The following PCM1 variants were observed in gnomAD, a reference collection of about 807,000 sequenced individuals.
PCM1 encodes the protein pericentriolar material 1 protein.
A neutral mutation model predicts 241.9 loss-of-function variants in PCM1; 157 were observed. The ratio of observed to expected loss-of-function variants is 0.65; its 90% CI spans 0.57 to 0.74. The LOEUF is 0.74. Among genes scored for constraint, PCM1 ranks in the 30% least tolerant of loss-of-function variants. The pLI, the probability that PCM1 is intolerant of heterozygous loss-of-function variation, is 0.00. For missense variants in PCM1, 3,478 were observed against 2,360.1 expected, an observed-to-expected ratio of 1.47 and a Z score of -9.81; for synonymous variants, 1,085 against 784.9, an observed-to-expected ratio of 1.38 and a Z score of -6.39.
intron 29 of PCM1, among the ~76,000 whole-genome samples, chr8:18,000,682 C>T (rs889869087): frequency 6.3e-4 from 96 of 152,188 alleles, no homozygotes; most frequent in Non-Finnish European, 3.2e-4. Flanking sequence ...AATGCAGTGG[C>T]GCGATCTCGG....
chr8:17,957,197 TA>T, intron 11 of PCM1, 66 bp from the exon 12 acceptor site: 1 of 1,337,256 alleles, frequency 7.5e-7, no homozygotes. Flanking sequence ...TTAGCAGTTC[TA>T]AACTTGGATT....
intron 9 of PCM1, among the ~76,000 whole-genome samples, chr8:17,954,522 C>T (rs1586688947): frequency 1.3e-5 from 2 of 152,048 alleles, no homozygotes; most frequent in South Asian, 2.1e-4. Flanking sequence ...AGTAGCACTC[C>T]GTATACTGAT....
intron 29 of PCM1, among the ~76,000 whole-genome samples, chr8:17,999,374 A>G (rs2088319934): frequency 6.6e-6 from 1 of 152,094 alleles, no homozygotes; most frequent in Non-Finnish European, 1.5e-5. Context: ...AGATTAAGCC[A>G]AGATTAATCC....
At chr8:17,969,270 C>G (rs929931897) in intron 21 of PCM1, among the ~76,000 whole-genome samples, 1 of 151,892 alleles carries the variant, frequency 6.6e-6, no homozygotes, top group Non-Finnish European at 1.5e-5. Context: ...AAGTATTAAA[C>G]CAAGTAACAT....
At chr8:17,986,593 A>G (rs2082684576) in intron 26 of PCM1, among the ~76,000 whole-genome samples, 1 of 151,754 alleles carries the variant, frequency 6.6e-6, no homozygotes, top group Non-Finnish European at 1.5e-5. Context: ...GAAATGGAGA[A>G]GAGTGCTAAG....
intron 34 of PCM1, 76 bp from the exon 35 acceptor site, chr8:18,013,888 C>G (rs1388139675): frequency 2.4e-6 from 2 of 837,630 alleles, no homozygotes; most frequent in Non-Finnish European, 3.7e-6. Flanking sequence ...TGGACAAAAA[C>G]TACACACTAG....
At chr8:18,014,494 C>A in intron 35 of PCM1, 90 bp from the exon 36 acceptor site, 1 of 1,010,614 alleles carries the variant, frequency 9.9e-7, no homozygotes, top group Non-Finnish European at 1.4e-6. Context: ...CTTGATTGCT[C>A]TTATTCAGGC....
chr8:17,998,145 C>G (rs1020968467), intron 29 of PCM1, among the ~76,000 whole-genome samples: 14 of 152,168 alleles, frequency 9.2e-5, no homozygotes, highest in Non-Finnish European at 2.1e-4. Context: ...ACATATCTCT[C>G]TCCAGGATTG....
chr8:18,022,852 TC>T (rs1168307784), intron 36 of PCM1, among the ~76,000 whole-genome samples: 2 of 152,200 alleles, frequency 1.3e-5, no homozygotes, highest in East Asian at 3.8e-4. Flanking sequence ...CAAAGGAAAC[TC>T]TAGAGGCAAA....
intron 29 of PCM1, among the ~76,000 whole-genome samples, chr8:18,004,721 T>A (rs559005485): frequency 6.6e-6 from 1 of 152,342 alleles, no homozygotes; most frequent in Admixed American, 6.5e-5. Context: ...TGACTCTCTT[T>A]ATGTCATCAC....
intron 9 of PCM1, 52 bp from the exon 10 acceptor site, chr8:17,955,418 T>C: frequency 4.5e-6 from 6 of 1,321,666 alleles, no homozygotes; most frequent in Non-Finnish European, 6.2e-6. Context: ...TATGTGTTTG[T>C]TTATGGTAAC....
chr8:17,942,211 A>G (rs1490071306), intron 6 of PCM1, among the ~76,000 whole-genome samples: 1 of 152,192 alleles, frequency 6.6e-6, no homozygotes, highest in African/African-American at 2.4e-5. Context: ...CAGGCGTGGT[A>G]ATTCTAGCAC....
chr8:17,942,677 C>A (rs2062496604), intron 6 of PCM1, among the ~76,000 whole-genome samples: 1 of 151,562 alleles, frequency 6.6e-6, no homozygotes, highest in Admixed American at 6.6e-5. Flanking sequence ...GAGTTAAAGA[C>A]AACTATTTGT....
chr8:17,949,500 C>CTT (rs556627460), intron 7 of PCM1, among the ~76,000 whole-genome samples: 3 of 141,740 alleles, frequency 2.1e-5, no homozygotes, highest in Non-Finnish European at 3.1e-5. Flanking sequence ...TTTTCTTTAT[C>CTT]TTTTTTTTTT....
At chr8:17,959,991 T>C in intron 13 of PCM1, 23 bp from the exon 14 acceptor site, 1 of 1,608,208 alleles carries the variant, frequency 6.2e-7, no homozygotes, top group Non-Finnish European at 8.5e-7. Flanking sequence ...CAAGATTGTT[T>C]TAATGTAATG....
At chr8:17,928,414 T>C (rs750443158) in intron 2 of PCM1, among the ~76,000 whole-genome samples, 10 of 152,094 alleles carry the variant, frequency 6.6e-5, no homozygotes, top group Non-Finnish European at 7.4e-5. Flanking sequence ...AGGAACACCT[T>C]TGGTTTCCTA....
At chr8:17,946,105 A>AT (rs528380409) in intron 6 of PCM1, among the ~76,000 whole-genome samples, 27 of 152,190 alleles carry the variant, frequency 1.8e-4, no homozygotes, top group South Asian at 6.2e-4. Flanking sequence ...GTTGGATTAC[A>AT]TTTTGAATAG....
chr8:17,932,623 T>C (rs1315265652), intron 2 of PCM1, among the ~76,000 whole-genome samples: 1 of 152,110 alleles, frequency 6.6e-6, no homozygotes, highest in Non-Finnish European at 1.5e-5. Flanking sequence ...TAGTATTTCT[T>C]TGAGATTTTT....
chr8:17,950,885 GA>G (rs1221315928), intron 8 of PCM1, among the ~76,000 whole-genome samples, 161 bp downstream of exon 8: 1 of 152,270 alleles, frequency 6.6e-6, no homozygotes, highest in African/African-American at 2.4e-5. Context: ...ACGATTCATG[GA>G]TTTGGGGTGG....
Sources: gnomAD v4.1 joint callset for allele counts (sites outside exome capture counted in the v4.1 genomes callset) on GRCh38, gnomAD v4.1.1 for gene constraint, MANE v1.5 for transcripts, NCBI Gene and HGNC (gene_info 2026-07-23, HGNC 2026-07-21) for gene names.